SUMF1: variants seen among roughly 807,000 people sequenced by gnomAD.
The protein encoded by SUMF1 is formylglycine-generating enzyme.
Under a neutral mutation model 47.6 loss-of-function variants are expected in SUMF1, and 48 were observed. The observed-to-expected ratio is 1.01, with a 90% confidence interval of 0.80 to 1.28. SUMF1 has a LOEUF of 1.28. SUMF1 is among the 50% of genes most tolerant of loss of function. The pLI is 0.00. For synonymous variants in SUMF1, 230 were observed against 192.1 expected (o/e 1.20, Z -1.63); for missense variants, 571 against 485.4 (o/e 1.18, Z -1.66).
chr3:4,313,043 G>T, intron 8 of SUMF1: 1 of 1,613,946 alleles, frequency 6.2e-7, no homozygotes, highest in East Asian at 2.2e-5. Context: ...GATAACTCAT[G>T]CCTTAGAGAT....
At chr3:4,267,584 C>T (rs186862634) in intron 8 of SUMF1, among the ~76,000 whole-genome samples, 2 of 152,040 alleles carry the variant, frequency 1.3e-5, no homozygotes, top group Admixed American at 6.6e-5. Context: ...AGGACATGAA[C>T]AGACACTTCT....
At chr3:4,147,382 A>C (rs2125102166) in intron 8 of SUMF1, among the ~76,000 whole-genome samples, 1 of 152,324 alleles carries the variant, frequency 6.6e-6, no homozygotes, top group Middle Eastern at 3.4e-3. Flanking sequence ...TTATTGTGGC[A>C]CTATTCACAA....
chr3:4,261,542 G>A lies in SUMF1; in HGVS notation c.1014+114788C>T, dbSNP rs185583302. ...CCTGCCGTCTCTGGAGGATTTATAA[G>A]GATCTGTTATCCCAGGGATTATGCA... is the stretch of plus-strand genomic sequence containing the variant. On this transcript the variant is annotated intron_variant and NMD_transcript_variant, in intron 8 of 12. Transcript: ENST00000448413. 1.4e-4 allele frequency among the ~76,000 whole-genome samples: 21 copies of A among 152,312 alleles called. No homozygotes were observed. In the East Asian group the frequency reaches 3.3e-3, roughly 24 times the overall value.
Position 4,353,941 on chromosome 3 carries a change from C to A in SUMF1, c.1014+22389G>T, listed in dbSNP as rs560081871. Among the ~76,000 whole-genome samples, 22 of 152,242 alleles carry A rather than the reference C, an allele frequency of 1.4e-4. No individual in the cohort carries two copies. The East Asian group carries it at 3.5e-3, about 24-fold the overall frequency. On this transcript the variant is annotated intron_variant and NMD_transcript_variant, in intron 8 of 12. Transcript: ENST00000448413. ...TGCAGCAGTGTGATCATAGCAAACT[C>A]CTGAGGTCAAGCAATCCTGCCACCT...
At chr3:4,085,148 C>G (rs1692644878) in intron 8 of SUMF1, among the ~76,000 whole-genome samples, 1 of 152,046 alleles carries the variant, frequency 6.6e-6, no homozygotes, top group Non-Finnish European at 1.5e-5. Context: ...AAAAATGGCT[C>G]TTGGGATACT....
intron 9 of SUMF1, among the ~76,000 whole-genome samples, chr3:4,061,932 T>C (rs1346861796): frequency 6.6e-6 from 1 of 152,068 alleles, no homozygotes; most frequent in African/African-American, 2.4e-5. Flanking sequence ...ATGATGATGC[T>C]ATAGCCATTT....
At chr3:4,163,211 C>T (rs1694618838) in intron 8 of SUMF1, among the ~76,000 whole-genome samples, 1 of 151,602 alleles carries the variant, frequency 6.6e-6, no homozygotes, top group African/African-American at 2.4e-5. Context: ...GGTCACTGCA[C>T]TTTGCCTATT....
rs551552652 is a variant in SUMF1 at position 4,282,470 on chromosome 3, T to G, written c.1014+93860A>C. The stretch of plus-strand genomic sequence containing the variant: ...TCAATTCACACATACCTTCTACAAT[T>G]TCTGTACTCCCTAATTCTTGCCTTA... On this transcript the variant is annotated intron_variant and NMD_transcript_variant, in intron 8 of 12. Transcript: ENST00000448413. 4.6e-5 allele frequency among the ~76,000 whole-genome samples: 7 copies of G among 152,318 alleles called. No individual in the cohort carries two copies. In the East Asian group the frequency reaches 1.3e-3, roughly 29 times the overall value.
intron 7 of SUMF1, among the ~76,000 whole-genome samples, chr3:4,393,116 C>A (rs552984834): frequency 6.6e-6 from 1 of 152,258 alleles, no homozygotes; most frequent in South Asian, 2.1e-4. Context: ...GTTACTTGCG[C>A]GATCTCCCTG....
In SUMF1 at chr3:4,239,843, T is replaced by C. The variant is rs150663310; in HGVS notation, c.1014+136487A>G. ...GTGGTGAGAGAGGGCATCCTTGTCT[T>C]ATGCTGGTTTTCAAAAGGAATGCTT... On this transcript the variant is annotated intron_variant and NMD_transcript_variant, in intron 8 of 12. Coordinates refer to the SUMF1 transcript ENST00000448413. Among the ~76,000 whole-genome samples, 50 of 152,312 alleles carry C rather than the reference T, an allele frequency of 3.3e-4. No homozygotes were observed. The East Asian group carries it at 8.9e-3, about 27-fold the overall frequency.
chr3:4,119,302 C>A (rs1476921737), intron 8 of SUMF1, among the ~76,000 whole-genome samples: 1 of 152,126 alleles, frequency 6.6e-6, no homozygotes, highest in East Asian at 1.9e-4. Flanking sequence ...TTCCTTATAG[C>A]CACATCTGCT....
At chr3:4,102,434 T>C (rs923064529) in intron 8 of SUMF1, among the ~76,000 whole-genome samples, 17 of 152,114 alleles carry the variant, frequency 1.1e-4, no homozygotes, top group Non-Finnish European at 1.9e-4. Context: ...AATCCCACAA[T>C]AGCAGTAATG....
chr3:4,046,784 T>G (rs1695014868), intron 9 of SUMF1, among the ~76,000 whole-genome samples: 1 of 152,198 alleles, frequency 6.6e-6, no homozygotes, highest in Non-Finnish European at 1.5e-5. Context: ...TCTCTCTGTT[T>G]CTATTCTCAT....
At chr3:4,400,359 G>T (rs768372904) in intron 7 of SUMF1, among the ~76,000 whole-genome samples, 1 of 152,150 alleles carries the variant, frequency 6.6e-6, no homozygotes, top group Non-Finnish European at 1.5e-5. Context: ...GGCTTCCTAA[G>T]CATCAGTGGA....
chr3:4,278,533 C>G (rs545908636), intron 8 of SUMF1, among the ~76,000 whole-genome samples: 2 of 152,208 alleles, frequency 1.3e-5, no homozygotes, highest in East Asian at 1.9e-4. Context: ...GCTTGCTAAA[C>G]TTTTCTAAAA....
intron 8 of SUMF1, among the ~76,000 whole-genome samples, chr3:4,142,633 C>A (rs957115497): frequency 1.3e-5 from 2 of 152,026 alleles, no homozygotes; most frequent in Admixed American, 6.6e-5. Context: ...GGCTAATCAT[C>A]ATTTTATGTG....
At chr3:4,130,592 TC>T (rs1473998533) in intron 8 of SUMF1, among the ~76,000 whole-genome samples, 4 of 152,178 alleles carry the variant, frequency 2.6e-5, no homozygotes, top group African/African-American at 9.6e-5. Flanking sequence ...GAGAAATAAA[TC>T]CAACTAAAAT....
At chr3:4,124,000 T>C (rs1005144176) in intron 8 of SUMF1, among the ~76,000 whole-genome samples, 18 of 152,132 alleles carry the variant, frequency 1.2e-4, no homozygotes, top group African/African-American at 3.6e-4. Flanking sequence ...TTCAGCTCCT[T>C]TTCTAAAAGC....
intron 8 of SUMF1, among the ~76,000 whole-genome samples, chr3:4,239,160 C>A (rs932092577): frequency 6.6e-6 from 1 of 152,118 alleles, no homozygotes; most frequent in Non-Finnish European, 1.5e-5. Flanking sequence ...CCGTACCATG[C>A]TATTTTGGTT....
Sources: allele counts gnomAD v4.1 joint callset (sites outside exome capture counted in the v4.1 genomes callset), GRCh38; gene constraint gnomAD v4.1.1; transcripts MANE v1.5; gene names NCBI Gene and HGNC (gene_info 2026-07-23, HGNC 2026-07-21).